The following CATSPERB variants were observed in gnomAD, a reference collection of about 807,000 sequenced individuals.
The protein encoded by CATSPERB is catsper channel auxiliary subunit beta.
In CATSPERB, 93 loss-of-function variants were observed where a neutral mutation model predicts 128.3. The ratio of observed to expected loss-of-function variants is 0.72; its 90% CI spans 0.61 to 0.86. CATSPERB has a LOEUF of 0.86. Ranked by LOEUF, CATSPERB falls within the 40% of genes least tolerant of loss-of-function variation. CATSPERB has a pLI of 0.00. For synonymous variants in CATSPERB, 381 were observed against 448.8 expected, an observed-to-expected ratio of 0.85 and a Z score of 1.91; for missense variants, 1,153 against 1,329.5, an observed-to-expected ratio of 0.87 and a Z score of 2.06.
chr14:91,612,932 G>A (rs957104421), intron 20 of CATSPERB, among the ~76,000 whole-genome samples: 1 of 152,144 alleles, frequency 6.6e-6, no homozygotes, highest in Non-Finnish European at 1.5e-5. Context: ...TGGAGTAGTA[G>A]CTGCCTTCAA....
chr14:91,620,927 G>A (rs538338963), intron 19 of CATSPERB, among the ~76,000 whole-genome samples: 1 of 152,282 alleles, frequency 6.6e-6, no homozygotes, highest in South Asian at 2.1e-4. Flanking sequence ...AGGGTCAACT[G>A]TAGCTGAAAT....
At chr14:91,615,229 G>A (rs973476530) in intron 20 of CATSPERB, among the ~76,000 whole-genome samples, 8 of 152,082 alleles carry the variant, frequency 5.3e-5, no homozygotes, top group African/African-American at 1.2e-4. Context: ...TCACATCGGC[G>A]GCAGCATTAG....
At chr14:91,629,353 G>T (rs1894229378) in intron 17 of CATSPERB, among the ~76,000 whole-genome samples, 2 of 152,202 alleles carry the variant, frequency 1.3e-5, no homozygotes, top group Admixed American at 1.3e-4. Flanking sequence ...ATCGGTGGTT[G>T]CCAGGGGTGA....
chr14:91,632,695 C>A (rs1894299755), intron 17 of CATSPERB, among the ~76,000 whole-genome samples: 1 of 151,938 alleles, frequency 6.6e-6, no homozygotes, highest in Non-Finnish European at 1.5e-5. Flanking sequence ...CAGAAAATTG[C>A]AATATCACAA....
intron 17 of CATSPERB, among the ~76,000 whole-genome samples, chr14:91,632,373 T>G (rs1360763019): frequency 1.3e-4 from 20 of 151,824 alleles, no homozygotes; most frequent in Non-Finnish European, 8.8e-5. Flanking sequence ...GGGCAAAGGA[T>G]TTGAATGAAT....
intron 18 of CATSPERB, among the ~76,000 whole-genome samples, chr14:91,622,700 G>A (rs1414131608): frequency 6.6e-6 from 1 of 151,906 alleles, no homozygotes; most frequent in African/African-American, 2.4e-5. Context: ...AGTTCAAACC[G>A]ACCAACGAAA....
intron 7 of CATSPERB, among the ~76,000 whole-genome samples, chr14:91,698,014 G>C (rs893189242): frequency 6.6e-6 from 1 of 152,106 alleles, no homozygotes; most frequent in Non-Finnish European, 1.5e-5. Context: ...CATGAGCATG[G>C]ACTGTTTTTC....
At chr14:91,647,332 C>G (rs762494009) in intron 15 of CATSPERB, among the ~76,000 whole-genome samples, 12 of 152,174 alleles carry the variant, frequency 7.9e-5, no homozygotes, top group Non-Finnish European at 1.3e-4. Context: ...CATCTATATT[C>G]TCACTACCTG....
At chr14:91,594,950 A>T (rs1369200205) in intron 22 of CATSPERB, among the ~76,000 whole-genome samples, 1 of 152,180 alleles carries the variant, frequency 6.6e-6, no homozygotes, top group Non-Finnish European at 1.5e-5. Context: ...CCAAATAAAG[A>T]CAAAAGGGGG....
intron 5 of CATSPERB, among the ~76,000 whole-genome samples, chr14:91,715,552 C>CAAA (rs57554614): frequency 7.3e-4 from 33 of 45,440 alleles, no homozygotes; most frequent in African/African-American, 1.2e-3. Flanking sequence ...GACTCCATCT[C>CAAA]AAAAAAAAAA....
At chr14:91,618,508 T>TAA (rs887957813) in intron 19 of CATSPERB, among the ~76,000 whole-genome samples, 7 of 152,228 alleles carry the variant, frequency 4.6e-5, no homozygotes, top group African/African-American at 1.7e-4. Context: ...CTCAGCCTGC[T>TAA]TCTCAAATGC....
chr14:91,723,215 AC>A, intron 3 of CATSPERB, 26 bp from the exon 4 acceptor site: 1 of 1,456,650 alleles, frequency 6.9e-7, no homozygotes, highest in Non-Finnish European at 9.1e-7. Context: ...AAAAAAAAAA[AC>A]AACTAATAAC....
At position 91,693,374 on chromosome 14, in the gene CATSPERB, G is replaced by A. The variant is rs769265458; in HGVS notation, c.712+10C>T. The A allele has an allele frequency of 3.1e-6, 5 of 1,602,710 alleles. No individual in the cohort carries two copies. In the Admixed American group the frequency reaches 6.7e-5, roughly 21 times the overall value. On this transcript the variant is annotated intron_variant, in intron 8 of 26. Transcript: ENST00000256343. The stretch of plus-strand genomic sequence containing the variant: ...AATGCTCAAGATGAAGGCAATGTTA[G>A]AGGAGTTACCTTCTTGAAGTTGGGA...
At chr14:91,695,322 G>C (rs572301028) in intron 7 of CATSPERB, among the ~76,000 whole-genome samples, 78 of 152,022 alleles carry the variant, frequency 5.1e-4, no homozygotes, top group African/African-American at 1.9e-3. Flanking sequence ...GTAGGGACAG[G>C]GTTTTGCCAT....
intron 17 of CATSPERB, among the ~76,000 whole-genome samples, chr14:91,633,208 C>A (rs999522262): frequency 1.3e-5 from 2 of 152,128 alleles, no homozygotes; most frequent in African/African-American, 4.8e-5. Context: ...ATGCTTTTCT[C>A]CTGTTAATCT....
chr14:91,719,352 T>C, intron 5 of CATSPERB, 66 bp downstream of exon 5: 1 of 1,153,800 alleles, frequency 8.7e-7, no homozygotes, highest in Non-Finnish European at 1.2e-6. Context: ...TAATAAATTC[T>C]TTTTGTTCTT....
intron 1 of CATSPERB, among the ~76,000 whole-genome samples, chr14:91,730,221 A>G (rs1896190505): frequency 6.6e-6 from 1 of 152,198 alleles, no homozygotes; most frequent in African/African-American, 2.4e-5. Flanking sequence ...CTCATCCAAT[A>G]GGACTGGTGT....
At chr14:91,597,416 T>C (rs1893527202) in intron 22 of CATSPERB, among the ~76,000 whole-genome samples, 1 of 152,160 alleles carries the variant, frequency 6.6e-6, no homozygotes, top group African/African-American at 2.4e-5. Flanking sequence ...ATTACATTTG[T>C]TTTTCAAAAT....
intron 15 of CATSPERB, among the ~76,000 whole-genome samples, chr14:91,653,023 A>G (rs905129404): frequency 1.3e-5 from 2 of 152,304 alleles, no homozygotes; most frequent in African/African-American, 4.8e-5. Context: ...GGAAGGACCA[A>G]TAGAGGAGAT....
Sources: allele counts gnomAD v4.1 joint callset (sites outside exome capture counted in the v4.1 genomes callset), GRCh38; gene constraint gnomAD v4.1.1; transcripts MANE v1.5; gene names NCBI Gene and HGNC (gene_info 2026-07-23, HGNC 2026-07-21).